PANX1: variants seen among roughly 807,000 people sequenced by gnomAD.
PANX1 encodes the protein pannexin 1.
In PANX1, 30 loss-of-function variants were observed where a neutral mutation model predicts 38.7. That is an observed-to-expected ratio of 0.78 (90% CI 0.58 to 1.05). The LOEUF is 1.05. Ranked by LOEUF, PANX1 falls within the 50% of genes least tolerant of loss-of-function variation. The pLI is 0.00. For missense variants in PANX1, 551 were observed against 517.2 expected (o/e 1.07, Z -0.63); for synonymous variants, 230 against 212.2 (o/e 1.08, Z -0.73).
chr11:94,164,613 A>G (rs999815073), intron 2 of PANX1, among the ~76,000 whole-genome samples: 2 of 152,216 alleles, frequency 1.3e-5, no homozygotes, highest in African/African-American at 2.4e-5. Context: ...CATGTGGTCT[A>G]TCTGTGAGAA....
chr11:94,158,544 CTGTT>C (rs1318540949), intron 2 of PANX1, among the ~76,000 whole-genome samples: 8 of 151,998 alleles, frequency 5.3e-5, no homozygotes, highest in South Asian at 2.1e-4. Flanking sequence ...ATTTGGCTCT[CTGTT>C]TGTCTGTTAT....
At chr11:94,135,945 T>C (rs1462994182) in intron 1 of PANX1, among the ~76,000 whole-genome samples, 1 of 152,206 alleles carries the variant, frequency 6.6e-6, no homozygotes, top group Admixed American at 6.5e-5. Flanking sequence ...TGTTTTATAA[T>C]AGAACAGTAT....
chr11:94,135,703 A>G (rs1946681403), intron 1 of PANX1, among the ~76,000 whole-genome samples: 2 of 152,218 alleles, frequency 1.3e-5, no homozygotes. Context: ...TTCTTGTACA[A>G]GTAGTAGCTA....
At position 94,158,228 on chromosome 11, in the gene PANX1, C is replaced by T. The variant is rs549167647; in HGVS notation, c.321+4598C>T. On this transcript the variant is annotated intron_variant, in intron 2 of 4. Transcript: ENST00000227638. ...TTGGCTTAGGATTGACTTGGCGATG[C>T]AGGCTCTTTTTTGGTTCCATATGAA... Among the ~76,000 whole-genome samples the T allele has an allele frequency of 5.7e-3, 870 of 152,104 alleles. 8 individuals carry two copies. Among genetic ancestry groups the T allele is most frequent in the African/African-American group, 0.013 (557 of 41,462 alleles).
At chr11:94,177,969 A>AT (rs1565386414) in intron 2 of PANX1, among the ~76,000 whole-genome samples, 1 of 150,210 alleles carries the variant, frequency 6.7e-6, no homozygotes, top group Non-Finnish European at 1.5e-5. Context: ...ATGGAGCCGT[A>AT]TGCCTTAGTT....
intron 1 of PANX1, among the ~76,000 whole-genome samples, chr11:94,144,571 CTG>C (rs1039222822): frequency 1.4e-4 from 22 of 152,252 alleles, no homozygotes; most frequent in African/African-American, 5.1e-4. Flanking sequence ...CTTGTCAGCT[CTG>C]TGGTTTTTAA....
intron 2 of PANX1, among the ~76,000 whole-genome samples, chr11:94,167,773 GA>G (rs1291156979): frequency 6.6e-6 from 1 of 152,234 alleles, no homozygotes; most frequent in Non-Finnish European, 1.5e-5. Context: ...CCATATGCTG[GA>G]ATGTATGTGC....
At chr11:94,134,327 G>C (rs977387998) in intron 1 of PANX1, among the ~76,000 whole-genome samples, 2 of 152,044 alleles carry the variant, frequency 1.3e-5, no homozygotes, top group African/African-American at 2.4e-5. Flanking sequence ...TTTCATTGAT[G>C]GGGGGAGAGG....
At chr11:94,165,727 A>G in intron 2 of PANX1, among the ~76,000 whole-genome samples, 1 of 152,148 alleles carries the variant, frequency 6.6e-6, no homozygotes, top group East Asian at 1.9e-4. Flanking sequence ...CCTGCCCAAC[A>G]TGGAGAAACC....
rs867472162 is a variant in PANX1 at position 94,176,165 on chromosome 11, A to G, written c.322-2204A>G. ...CCTGGAATATCGTTTACTCTTCACT[A>G]CTTCAAAGTTTCAATAGCTGTTAGA... is the stretch of plus-strand genomic sequence containing the variant. On this transcript the variant is annotated intron_variant, in intron 2 of 4. Coordinates refer to ENST00000227638, the MANE Select transcript of PANX1 (RefSeq NM_015368.4). Among the ~76,000 whole-genome samples the G allele has an allele frequency of 1.1e-4, 16 of 151,830 alleles. No homozygotes were observed. The South Asian group carries it at 2.3e-3, about 22-fold the overall frequency.
chr11:94,136,823 A>G (rs766474328), intron 1 of PANX1, among the ~76,000 whole-genome samples: 1 of 152,196 alleles, frequency 6.6e-6, no homozygotes, highest in Middle Eastern at 3.2e-3. Flanking sequence ...TCACATTGCT[A>G]TGAAGAAATA....
intron 2 of PANX1, among the ~76,000 whole-genome samples, chr11:94,168,863 CG>C (rs1359436008): frequency 6.6e-6 from 1 of 151,370 alleles, no homozygotes. Context: ...TTCTAAGATA[CG>C]GAAGTAACAA....
At position 94,178,609 on chromosome 11, in the gene PANX1, A is replaced by G; in HGVS notation, c.545+17A>G. On this transcript the variant is annotated intron_variant, in intron 3 of 4. Coordinates refer to ENST00000227638, the MANE Select transcript of PANX1 (RefSeq NM_015368.4). ...AGGGCAAAGGTAACTTAGCCCCAGC[A>G]GGCAGCTCATCGGGTTTTGTAGGAC... 2 of 1,590,686 alleles carry G rather than the reference A, an allele frequency of 1.3e-6. No homozygotes were observed. Among genetic ancestry groups the G allele is most frequent in the Non-Finnish European group, 1.7e-6 (2 of 1,159,112 alleles).
At chr11:94,174,215 C>T (rs1021095948) in intron 2 of PANX1, among the ~76,000 whole-genome samples, 3 of 151,522 alleles carry the variant, frequency 2.0e-5, no homozygotes, top group Non-Finnish European at 2.9e-5. Flanking sequence ...AACAGTATCA[C>T]ACTCTGAGGT....
intron 2 of PANX1, among the ~76,000 whole-genome samples, chr11:94,167,415 A>T (rs1313883305): frequency 6.6e-6 from 1 of 152,164 alleles, no homozygotes; most frequent in Non-Finnish European, 1.5e-5. Flanking sequence ...GGGGTCAATC[A>T]TTGGAGGGTT....
Position 94,178,446 on chromosome 11 carries a change from T to G in PANX1, c.399T>G (p.Pro133=). 1 of 1,614,138 alleles carries G rather than the reference T, an allele frequency of 6.2e-7. No individual in the cohort carries two copies. The highest frequency in any genetic ancestry group is 1.1e-5 in the South Asian group (1 of 91,076). The change falls in exon 3 of 5, where the codon CCT becomes CCG. Residue 133 remains proline, a synonymous_variant. Transcript: ENST00000227638. ...PPLFWRFAAA[P]HICSDLKFIM... is the part of the protein sequence containing the mutation. ...TGTTCTGGCGTTTCGCAGCTGCTCC[T>G]CATATTTGCTCAGACTTGAAGTTTA... is the stretch of plus-strand genomic sequence containing the variant.
chr11:94,138,158 C>CA (rs1946723107), intron 1 of PANX1, among the ~76,000 whole-genome samples: 1 of 152,060 alleles, frequency 6.6e-6, no homozygotes, highest in Admixed American at 6.6e-5. Context: ...GATAGACCCC[C>CA]AATGGATACT....
At chr11:94,134,127 G>T (rs1283623423) in intron 1 of PANX1, among the ~76,000 whole-genome samples, 1 of 152,180 alleles carries the variant, frequency 6.6e-6, no homozygotes, top group Non-Finnish European at 1.5e-5. Flanking sequence ...TCTTTTTTAT[G>T]TTATTTTTGT....
intron 2 of PANX1, among the ~76,000 whole-genome samples, chr11:94,161,608 A>C (rs976259885): frequency 1.3e-5 from 2 of 152,006 alleles, no homozygotes; most frequent in African/African-American, 4.8e-5. Context: ...TGGTTATTCT[A>C]GTTAGCCATT....
Sources: allele counts gnomAD v4.1 joint callset (sites outside exome capture counted in the v4.1 genomes callset), GRCh38; gene constraint gnomAD v4.1.1; transcripts MANE v1.5; gene names NCBI Gene and HGNC (gene_info 2026-07-23, HGNC 2026-07-21).